TBL1XR1: variants seen among roughly 807,000 people sequenced by gnomAD.
The protein encoded by TBL1XR1 is F-box-like/WD repeat-containing protein TBL1XR1.
A neutral mutation model predicts 66.9 loss-of-function variants in TBL1XR1; 5 were observed. That is an observed-to-expected ratio of 0.07 (90% CI 0.04 to 0.16). TBL1XR1 has a LOEUF of 0.16. Ranked by LOEUF, TBL1XR1 falls within the 10% of genes least tolerant of loss-of-function variation. TBL1XR1 has a pLI of 1.00. For missense variants in TBL1XR1, 238 were observed against 623.2 expected, an observed-to-expected ratio of 0.38 and a Z score of 6.58; for synonymous variants, 210 against 206.0, an observed-to-expected ratio of 1.02 and a Z score of -0.17.
intron 1 of TBL1XR1, among the ~76,000 whole-genome samples, chr3:177,194,447 C>G (rs1736567923): frequency 6.6e-6 from 1 of 151,102 alleles, no homozygotes; most frequent in Non-Finnish European, 1.5e-5. Context: ...CTTCTTTATT[C>G]TTTTTATATA....
At chr3:177,141,242 G>A (rs1226802754) in intron 1 of TBL1XR1, among the ~76,000 whole-genome samples, 2 of 152,184 alleles carry the variant, frequency 1.3e-5, no homozygotes, top group South Asian at 2.1e-4. Flanking sequence ...AGTTTTCTTC[G>A]TATCATTCTA....
At chr3:177,035,880 A>T (rs1197061915) in intron 12 of TBL1XR1, among the ~76,000 whole-genome samples, 1 of 152,190 alleles carries the variant, frequency 6.6e-6, no homozygotes. Context: ...CCTATCCGCT[A>T]GTGAGACTCA....
chr3:177,195,134 A>G (rs571489717), intron 1 of TBL1XR1, among the ~76,000 whole-genome samples: 31 of 152,262 alleles, frequency 2.0e-4, no homozygotes, highest in South Asian at 1.5e-3. Flanking sequence ...GTCAAAAAAA[A>G]TAGTAGTTAT....
chr3:177,075,175 T>C (rs1435841726), intron 2 of TBL1XR1, among the ~76,000 whole-genome samples: 1 of 152,274 alleles, frequency 6.6e-6, no homozygotes, highest in Admixed American at 6.5e-5. Flanking sequence ...AGAGTCGTTC[T>C]ATCCATCTTC....
intron 1 of TBL1XR1, among the ~76,000 whole-genome samples, chr3:177,162,606 A>G (rs1382495945): frequency 1.3e-5 from 2 of 152,228 alleles, no homozygotes; most frequent in African/African-American, 2.4e-5. Flanking sequence ...TCAGTTTTAC[A>G]TGAGCTGTTA....
At chr3:177,056,875 C>G (rs1175888362) in intron 3 of TBL1XR1, among the ~76,000 whole-genome samples, 1 of 152,138 alleles carries the variant, frequency 6.6e-6, no homozygotes, top group Non-Finnish European at 1.5e-5. Context: ...TGCGTTTAGT[C>G]CCCATTACCC....
At chr3:177,055,216 C>T (rs1310577183) in intron 3 of TBL1XR1, among the ~76,000 whole-genome samples, 3 of 152,090 alleles carry the variant, frequency 2.0e-5, no homozygotes, top group African/African-American at 7.2e-5. Flanking sequence ...TGCTTCCACT[C>T]TTATACTCCT....
At chr3:177,104,355 C>A (rs776741009) in intron 1 of TBL1XR1, among the ~76,000 whole-genome samples, 3 of 152,130 alleles carry the variant, frequency 2.0e-5, no homozygotes, top group Non-Finnish European at 2.9e-5. Flanking sequence ...TCTTCTTAAT[C>A]CGTTTTACAA....
At chr3:177,089,281 C>T (rs182626200) in intron 2 of TBL1XR1, among the ~76,000 whole-genome samples, 14 of 152,274 alleles carry the variant, frequency 9.2e-5, no homozygotes, top group Middle Eastern at 3.4e-3. Context: ...ACTCAACTTT[C>T]CCAAGCAGCT....
intron 1 of TBL1XR1, among the ~76,000 whole-genome samples, chr3:177,192,814 T>A (rs1357819276): frequency 6.6e-6 from 1 of 152,196 alleles, no homozygotes; most frequent in African/African-American, 2.4e-5. Flanking sequence ...TGGATCTTCT[T>A]AACTCTATGA....
chr3:177,054,028 A>C, intron 3 of TBL1XR1, 110 bp from the exon 4 acceptor site: 2 of 1,210,252 alleles, frequency 1.7e-6, no homozygotes, highest in East Asian at 2.4e-5. Flanking sequence ...TACCCATTTA[A>C]AATCCCAGAC....
At chr3:177,096,335 T>TACACACACACACACACAC (rs6148210) in intron 2 of TBL1XR1, among the ~76,000 whole-genome samples, 1,759 of 150,298 alleles carry the variant, frequency 0.012, 23 homozygotes, top group Middle Eastern at 0.034. Flanking sequence ...CATACATACA[T>TACACACACACACACACAC]ACACACACAC....
chr3:177,051,747 G>C (rs748776472), intron 4 of TBL1XR1, 21 bp from the exon 5 acceptor site: 3 of 1,512,794 alleles, frequency 2.0e-6, no homozygotes, highest in Admixed American at 4.5e-5. Context: ...AAAATTGTGA[G>C]AGAAGAAAAA....
rs893163716 is a variant in TBL1XR1, at chr3:177,086,799, C to T, written c.-46+11667G>A. ...CAATCAAAAATCCACATATAACTTCCGACTTCCCAAAAACCTAACTACTAA... is the reference window on the plus strand; with the variant it reads ...CAATCAAAAATCCACATATAACTTCTGACTTCCCAAAAACCTAACTACTAA... On this transcript the variant is annotated intron_variant, in intron 2 of 15. Transcript: ENST00000457928. 1.6e-4 allele frequency among the ~76,000 whole-genome samples: 24 copies of T among 151,428 alleles called. No homozygotes were observed. The East Asian group carries it at 3.5e-3, about 22-fold the overall frequency.
chr3:177,117,353 G>A (rs1726426088), intron 1 of TBL1XR1, among the ~76,000 whole-genome samples: 1 of 152,186 alleles, frequency 6.6e-6, no homozygotes, highest in Non-Finnish European at 1.5e-5. Flanking sequence ...GCAAATAATG[G>A]GTAAATTTAA....
rs1215008214 is a variant in TBL1XR1, at chr3:177,019,632, T to C, written c.*5866A>G. 6.6e-6 allele frequency: 1 copy of C among 152,190 alleles called. No homozygotes were observed. Among genetic ancestry groups the C allele is most frequent in the African/African-American group, 2.4e-5 (1 of 41,444 alleles). 9.4% of individuals were successfully genotyped at this position (152,190 alleles called of 1,614,324 possible). On this transcript the variant is annotated 3_prime_UTR_variant, in exon 16 of 16. Transcript: ENST00000457928. ...GAATATATTGGTAAAACAGTAAACTTTGATCTGATCTGCTACGGATTATAC... is the reference window on the plus strand; with the variant it reads ...GAATATATTGGTAAAACAGTAAACTCTGATCTGATCTGCTACGGATTATAC...
At chr3:177,170,512 T>C (rs1214897390) in intron 1 of TBL1XR1, among the ~76,000 whole-genome samples, 1 of 152,224 alleles carries the variant, frequency 6.6e-6, no homozygotes, top group Non-Finnish European at 1.5e-5. Context: ...TATGCTTACC[T>C]GGCTCTTATT....
intron 1 of TBL1XR1, among the ~76,000 whole-genome samples, chr3:177,112,107 A>ATATATATATATATATATATATTT: frequency 1.1e-4 from 4 of 37,650 alleles, no homozygotes; most frequent in Non-Finnish European, 1.8e-4. Flanking sequence ...ATATATATAT[A>ATATATATATATATATATATATTT]TTTTTTTTTT....
chr3:177,128,120 G>A (rs1416925081), intron 1 of TBL1XR1, among the ~76,000 whole-genome samples: 1 of 151,998 alleles, frequency 6.6e-6, no homozygotes, highest in Non-Finnish European at 1.5e-5. Flanking sequence ...TCGGGAGGCT[G>A]AGGCAGGAGA....
Sources: gnomAD v4.1 joint callset for allele counts (sites outside exome capture counted in the v4.1 genomes callset) on GRCh38, gnomAD v4.1.1 for gene constraint, MANE v1.5 for transcripts, NCBI Gene and HGNC (gene_info 2026-07-23, HGNC 2026-07-21) for gene names.